GNAT2: variants seen among roughly 807,000 people sequenced by gnomAD.
GNAT2 encodes guanine nucleotide-binding protein G(t) subunit alpha-2.
GNAT2 carries 32 observed loss-of-function variants against 40.9 expected under a neutral mutation model. The observed-to-expected ratio is 0.78, with a 90% CI of 0.59 to 1.05. The LOEUF (loss-of-function observed/expected upper bound fraction) is 1.05. Among genes scored for constraint, GNAT2 ranks in the 50% least tolerant of loss-of-function variants. The probability of loss-of-function intolerance (pLI) is 0.00; values close to 1 mark genes in which losing one functional copy is unlikely to be tolerated. For synonymous variants in GNAT2, 141 were observed against 157.2 expected, an observed-to-expected ratio of 0.90 and a Z score of 0.77; for missense variants, 355 against 431.5, an observed-to-expected ratio of 0.82 and a Z score of 1.57.
At chr1:109,611,169 C>T (rs1649779368) in intron 2 of GNAT2, 2 of 144,156 alleles carry the variant, frequency 1.4e-5, no homozygotes, top group African/African-American at 2.5e-5. Flanking sequence ...CGACATCATG[C>T]CCGACTACAT....
At chr1:109,606,178 G>A in intron 6 of GNAT2, 79 bp from the exon 7 acceptor site, 3 of 1,584,282 alleles carry the variant, frequency 1.9e-6, no homozygotes, top group Non-Finnish European at 2.6e-6. Context: ...CCGTGAAGTG[G>A]GAGAGGAAAA....
At chr1:109,609,959 T>A in intron 4 of GNAT2, 81 bp downstream of exon 4, 1 of 1,346,074 alleles carries the variant, frequency 7.4e-7, no homozygotes, top group South Asian at 1.2e-5. Context: ...CATCTTTCCA[T>A]ATAGTTTGTT....
At chr1:109,610,318 G>C in intron 3 of GNAT2, 137 bp from the exon 4 acceptor site, 1 of 1,216,288 alleles carries the variant, frequency 8.2e-7, no homozygotes, top group Non-Finnish European at 1.2e-6. Flanking sequence ...GAGGGTGAGG[G>C]ACAAGGGGTA....
Position 109,606,059 on chromosome 1 carries a change from A to C in GNAT2, c.631T>G (p.Trp211Gly). 6.2e-7 allele frequency: 1 copy of C among 1,613,622 alleles called. No homozygotes were observed. The highest frequency in any genetic ancestry group is 8.5e-7 in the Non-Finnish European group (1 of 1,179,498). Residue 211 changes from tryptophan (W) to glycine (G), a missense_variant, in exon 7 of 9, where the codon TGG becomes GGG. By Grantham distance (184) the Trp-to-Gly change is radical (BLOSUM62 -2). Coordinates refer to ENST00000679935, the MANE Select transcript of GNAT2 (RefSeq NM_001377295.2). ...GTGACTCCCTCGAAGCAGTGGATCC[A>C]CTTCTTTCTCTCGGATCTCTGCCCT... ...VGGQRSERKKWIHCFEGVTCI... is the reference protein window; with the variant it reads ...VGGQRSERKKGIHCFEGVTCI...
At chr1:109,607,437 C>A (rs189884934) in intron 5 of GNAT2, 26 of 128,622 alleles carry the variant, frequency 2.0e-4, no homozygotes, top group African/African-American at 7.5e-4. Context: ...GGTGACAAAG[C>A]GAGACTCCGT....
chr1:109,609,913 C>G (rs1190127208), intron 4 of GNAT2, 127 bp downstream of exon 4: 1 of 939,940 alleles, frequency 1.1e-6, no homozygotes, highest in African/African-American at 1.6e-5. Flanking sequence ...GAGATCCCAC[C>G]CAGCAGGTGG....
At chr1:109,610,737 T>C in intron 2 of GNAT2, 1 of 599,164 alleles carries the variant, frequency 1.7e-6, no homozygotes, top group Non-Finnish European at 3.0e-6. Flanking sequence ...GTCTCATGCA[T>C]GGTAGGATGT....
intron 7 of GNAT2, chr1:109,604,418 G>A: frequency 2.6e-6 from 1 of 379,668 alleles, no homozygotes; most frequent in Non-Finnish European, 5.0e-6. Flanking sequence ...TGGCATATAG[G>A]TCTATAATGT....
chr1:109,612,781 T>C lies in GNAT2; in HGVS notation c.90A>G (p.Glu30=), dbSNP rs1351330832. ...GCAGTAGCAGCTTGACAGTCTTGGC[T>C]TCCTTATCAGCATCCTCCTGCAGCT... ...EKKLQEDADK[E]AKTVKLLLLG... is the part of the protein sequence containing the mutation. The change falls in exon 2 of 9, where the codon GAA becomes GAG. Residue 30 remains glutamate (E), a synonymous_variant. Transcript: ENST00000679935. 3 of 1,610,764 alleles carry C rather than the reference T, an allele frequency of 1.9e-6. No homozygotes were observed. In the Admixed American group the frequency reaches 5.0e-5, roughly 27 times the overall value.
intron 4 of GNAT2, 66 bp downstream of exon 4, chr1:109,609,974 T>C: frequency 6.7e-7 from 1 of 1,494,774 alleles, no homozygotes; most frequent in Admixed American, 1.7e-5. Context: ...TTTGTTGGCC[T>C]CTGGTATGTT....
chr1:109,613,262 T>A, intron 1 of GNAT2: 1 of 300,400 alleles, frequency 3.3e-6, no homozygotes, highest in Non-Finnish European at 6.5e-6. Context: ...AAGGGGTTCA[T>A]CCCCTGAAAG....
At chr1:109,612,383 G>A (rs1055252977) in intron 2 of GNAT2, 5 of 343,018 alleles carry the variant, frequency 1.5e-5, no homozygotes, top group African/African-American at 1.1e-4. Flanking sequence ...GTTCTCTTCT[G>A]ATTTCTTGGC....
Position 109,606,353 on chromosome 1 carries a change from G to A in GNAT2, c.545C>T (p.Thr182Met), listed in dbSNP as rs746117122. ...GGAAAACTTGGTTTCAATGATGCCC[G>A]TGGTTTTGACTCTGGATCGGAGCAC... ...QDVLRSRVKT[T>M]GIIETKFSVK... is the part of the protein sequence containing the mutation. Residue 182 changes from threonine to methionine, a missense_variant, in exon 6 of 9, where the codon ACG (threonine) becomes ATG (methionine). Thr to Met is a moderately conservative substitution (Grantham distance 81). Transcript: ENST00000679935. 67 of 1,612,452 alleles carry A rather than the reference G, an allele frequency of 4.2e-5. No homozygotes were observed. The highest frequency in any genetic ancestry group is 5.6e-5 in the Non-Finnish European group (66 of 1,178,466).
At chr1:109,611,098 C>A (rs1008778984) in intron 2 of GNAT2, 1 of 165,664 alleles carries the variant, frequency 6.0e-6, no homozygotes, top group Non-Finnish European at 1.3e-5. Context: ...GCAGCCTTGA[C>A]TTCCCAGGCT....
At chr1:109,609,496 G>A (rs1287823248) in intron 4 of GNAT2, 1 of 183,378 alleles carries the variant, frequency 5.5e-6, no homozygotes, top group Admixed American at 5.4e-5. Flanking sequence ...ATAGCTGGGT[G>A]TGGTGGTGCA....
intron 2 of GNAT2, chr1:109,610,769 AC>A (rs1649769930): frequency 1.8e-6 from 1 of 558,590 alleles, no homozygotes; most frequent in African/African-American, 1.9e-5. Flanking sequence ...CCTGGCCTCT[AC>A]CCACTAGAGG....
chr1:109,608,274 C>T (rs984851454), intron 5 of GNAT2: 2 of 363,186 alleles, frequency 5.5e-6, no homozygotes, highest in Non-Finnish European at 1.1e-5. Flanking sequence ...GACAGAACTG[C>T]AGGGCTATCT....
At chr1:109,607,104 T>C (rs1649621363) in intron 5 of GNAT2, 1 of 152,080 alleles carries the variant, frequency 6.6e-6, no homozygotes, top group Non-Finnish European at 1.5e-5. Flanking sequence ...ATGTTATTTC[T>C]ACTTTTGTAT....
intron 5 of GNAT2, chr1:109,607,327 A>T (rs1198431885): frequency 2.0e-5 from 3 of 151,926 alleles, no homozygotes; most frequent in South Asian, 2.1e-4. Context: ...GGCGGGCGCC[A>T]GTATCCCCAG....
Sources: allele counts gnomAD v4.1 joint callset, GRCh38; gene constraint gnomAD v4.1.1; transcripts MANE v1.5; gene names NCBI Gene and HGNC (gene_info 2026-07-23, HGNC 2026-07-21).